Variants in ALG9 observed in about 807,000 individuals in gnomAD.
The protein encoded by ALG9 is alpha-1,2-mannosyltransferase ALG9.
In ALG9, 55 loss-of-function variants were observed where a neutral mutation model predicts 81.8. That is an observed-to-expected ratio of 0.67 (90% CI 0.54 to 0.84). The LOEUF (loss-of-function observed/expected upper bound fraction) is 0.84. Ranked by LOEUF, ALG9 falls within the 40% of genes least tolerant of loss-of-function variation. The pLI, the probability that ALG9 is intolerant of heterozygous loss-of-function variation, is 0.00. For synonymous variants in ALG9, 278 were observed against 274.3 expected (o/e 1.01, Z -0.13); for missense variants, 629 against 745.0 (o/e 0.84, Z 1.81).
chr11:111,847,400 G>C (rs1341195791), intron 8 of ALG9, among the ~76,000 whole-genome samples: 1 of 152,196 alleles, frequency 6.6e-6, no homozygotes, highest in East Asian at 1.9e-4. Context: ...ACAGGCAATG[G>C]GATCCTGTCC....
At chr11:111,809,039 G>C (rs1950320174) in intron 14 of ALG9, among the ~76,000 whole-genome samples, 2 of 152,212 alleles carry the variant, frequency 1.3e-5, no homozygotes, top group South Asian at 2.1e-4. Flanking sequence ...CTTCCTAACA[G>C]TGTCAAAATG....
rs34575358 is a variant in ALG9 at position 111,854,095 on chromosome 11, CTT to C, written c.702-361_702-360del. Among the ~76,000 whole-genome samples, 191 of 117,742 alleles carry C rather than the reference CTT, an allele frequency of 1.6e-3. 1 individual carries two copies. The highest frequency in any genetic ancestry group is 9.8e-3 in the Middle Eastern group (2 of 204). The allele number at this position is 117,742 out of a possible 152,430, so 77.2% of individuals were successfully genotyped here. A position where few individuals can be genotyped will look rare whatever the true frequency, so the allele number is the denominator to read the frequency against. Reference sequence around the variant, plus strand: ...ATTTTAGTAATAACCTTATTACAGACTTTTTTTTTTTTTTTTTTTTGAGACAG... The same window carrying C: ...ATTTTAGTAATAACCTTATTACAGACTTTTTTTTTTTTTTTTTTGAGACAG... On this transcript the variant is annotated intron_variant, in intron 6 of 14. Coordinates refer to ENST00000616540, the MANE Select transcript of ALG9 (RefSeq NM_024740.2).
At chr11:111,795,481 T>A (rs1366090118) in intron 14 of ALG9, among the ~76,000 whole-genome samples, 4 of 152,204 alleles carry the variant, frequency 2.6e-5, no homozygotes, top group African/African-American at 9.7e-5. Flanking sequence ...CCCATAATTG[T>A]ATAATGGCAA....
chr11:111,794,619 T>TTCTCC (rs1947955957), intron 14 of ALG9, among the ~76,000 whole-genome samples: 1 of 152,054 alleles, frequency 6.6e-6, no homozygotes, highest in Non-Finnish European at 1.5e-5. Flanking sequence ...CTCTCTTCTC[T>TTCTCC]TCTCCTCTCC....
At chr11:111,805,682 CAG>C (rs1361490084) in intron 14 of ALG9, among the ~76,000 whole-genome samples, 2 of 152,148 alleles carry the variant, frequency 1.3e-5, no homozygotes, top group African/African-American at 4.8e-5. Flanking sequence ...GGAAGTAGAA[CAG>C]AGTTTTGGAG....
intron 6 of ALG9, among the ~76,000 whole-genome samples, chr11:111,856,778 A>G (rs1958761019): frequency 6.6e-6 from 1 of 152,050 alleles, no homozygotes; most frequent in African/African-American, 2.4e-5. Flanking sequence ...GTATACAAGG[A>G]GCTTGGTGGA....
intron 13 of ALG9, among the ~76,000 whole-genome samples, chr11:111,821,191 C>A (rs1254761401): frequency 6.6e-6 from 1 of 152,116 alleles, no homozygotes; most frequent in East Asian, 1.9e-4. Flanking sequence ...CTATAAGGTC[C>A]TACTTTCATG....
intron 11 of ALG9, 40 bp downstream of exon 11, chr11:111,838,209 G>A (rs782355439): frequency 8.7e-6 from 14 of 1,611,094 alleles, no homozygotes; most frequent in Non-Finnish European, 1.2e-5. Context: ...AAGAGCAAGT[G>A]ACTCGTCAGT....
rs1555118665 is a variant in ALG9, at chr11:111,837,517, C to T, written c.1423G>A (p.Val475Met). Residue 475 changes from valine to methionine, a missense_variant, in exon 12 of 15, where the codon GTG becomes ATG. Val to Met is a conservative substitution (Grantham distance 21). Coordinates refer to ENST00000616540, the MANE Select transcript of ALG9 (RefSeq NM_024740.2). ...VPEGRPVNVCVGKEWYRFPSS... is the reference protein window; with the variant it reads ...VPEGRPVNVCMGKEWYRFPSS... ...GGAAATCGATACCACTCTTTTCCCA[C>T]ACAGACATTCACAGGTCTGCCTTCT... The T allele has an allele frequency of 6.2e-7, 1 of 1,614,002 alleles. No homozygotes were observed. Among genetic ancestry groups the T allele is most frequent in the African/African-American group, 1.3e-5 (1 of 74,936 alleles).
intron 8 of ALG9, among the ~76,000 whole-genome samples, chr11:111,850,133 T>C (rs1347682468): frequency 1.3e-5 from 2 of 152,246 alleles, no homozygotes; most frequent in African/African-American, 4.8e-5. Flanking sequence ...TACTTTTTGA[T>C]TTAAAAGGTA....
chr11:111,851,477 C>CA (rs11343980), intron 8 of ALG9, among the ~76,000 whole-genome samples: 6,597 of 104,874 alleles, frequency 0.063, 604 homozygotes, highest in African/African-American at 0.22. Context: ...AACTCCATCT[C>CA]AAAAAAAAAA....
intron 13 of ALG9, among the ~76,000 whole-genome samples, chr11:111,814,047 T>C (rs1201805558): frequency 6.6e-6 from 1 of 152,154 alleles, no homozygotes; most frequent in Non-Finnish European, 1.5e-5. Flanking sequence ...CCAACAGAAA[T>C]GCCTGCACCA....
chr11:111,774,069 T>TAAAAA, the ALG9 span, among the ~76,000 whole-genome samples: 5 of 69,726 alleles, frequency 7.2e-5, no homozygotes, highest in Admixed American at 3.7e-4. Flanking sequence ...CATATCTTAT[T>TAAAAA]AAAAAAAAAA....
chr11:111,796,232 A>T, intron 14 of ALG9, among the ~76,000 whole-genome samples: 1 of 152,258 alleles, frequency 6.6e-6, no homozygotes, highest in Non-Finnish European at 1.5e-5. Context: ...TGAAATACAC[A>T]ATCAATACAT....
In ALG9 at chr11:111,866,649, A is replaced by G. The variant is rs186347372; in HGVS notation, c.406-1398T>C. ...CACATCAGTGATGTAACAGGATTAG[A>G]GAAGAGGAAGAATTCTGTGTTGAAC... On this transcript the variant is annotated intron_variant, in intron 3 of 14. Coordinates refer to ENST00000616540, the MANE Select transcript of ALG9 (RefSeq NM_024740.2). Among the ~76,000 whole-genome samples the G allele has an allele frequency of 2.0e-5, 3 of 151,836 alleles. No homozygotes were observed. The East Asian group carries it at 5.8e-4, about 29-fold the overall frequency.
chr11:111,793,025 C>T (rs1947660176), intron 14 of ALG9, among the ~76,000 whole-genome samples: 1 of 152,136 alleles, frequency 6.6e-6, no homozygotes, highest in Admixed American at 6.5e-5. Flanking sequence ...ACTCTTTCAC[C>T]TGGGCTGGAG....
Position 111,791,600 on chromosome 11 carries a change from T to C in ALG9, c.1734-5080A>G, listed in dbSNP as rs150417601. On this transcript the variant is annotated intron_variant, in intron 14 of 14. Coordinates refer to ENST00000616540, the MANE Select transcript of ALG9 (RefSeq NM_024740.2). ...CCTAGGAGATCTAGCCCTTGCCTGATTGTTCCACCTCACCTTGTGCAATCT... is the reference window on the plus strand; with the variant it reads ...CCTAGGAGATCTAGCCCTTGCCTGACTGTTCCACCTCACCTTGTGCAATCT... Among the ~76,000 whole-genome samples, 1,491 of 152,292 alleles carry C rather than the reference T, an allele frequency of 9.8e-3. 21 individuals are homozygous for C. The highest frequency in any genetic ancestry group is 0.033 in the African/African-American group (1,361 of 41,546).
chr11:111,785,755 A>T lies in ALG9; in HGVS notation c.*642T>A. 8.6e-6 allele frequency: 2 copies of T among 233,856 alleles called. No individual in the cohort carries two copies. Among genetic ancestry groups the T allele is most frequent in the South Asian group, 1.2e-4 (2 of 17,182 alleles). 14.5% of individuals were successfully genotyped at this position (233,856 alleles called of 1,614,324 possible). ...AAATGAAAATTAGAGGCATCATTATAATAAAATTAGGTCACAGTTCCTCAA... is the reference window on the plus strand; with the variant it reads ...AAATGAAAATTAGAGGCATCATTATTATAAAATTAGGTCACAGTTCCTCAA... On this transcript the variant is annotated 3_prime_UTR_variant, in exon 15 of 15. Transcript: ENST00000616540.
intron 14 of ALG9, among the ~76,000 whole-genome samples, chr11:111,801,670 T>C (rs1949139276): frequency 6.6e-6 from 1 of 152,224 alleles, no homozygotes. Flanking sequence ...CATGCTGTCT[T>C]CACTATACTT....
Sources: allele counts gnomAD v4.1 joint callset (sites outside exome capture counted in the v4.1 genomes callset), GRCh38; gene constraint gnomAD v4.1.1; transcripts MANE v1.5; gene names NCBI Gene and HGNC (gene_info 2026-07-23, HGNC 2026-07-21).